ZFPM2: variants seen among roughly 807,000 people sequenced by gnomAD.
The protein encoded by ZFPM2 is zinc finger protein ZFPM2.
Under a neutral mutation model 98.6 loss-of-function variants are expected in ZFPM2, and 20 were observed. The observed-to-expected ratio is 0.20, with a 90% confidence interval of 0.14 to 0.29. The LOEUF (loss-of-function observed/expected upper bound fraction) is 0.29. Ranked by LOEUF, ZFPM2 falls within the 10% of genes least tolerant of loss-of-function variation. ZFPM2 has a pLI of 1.00. For synonymous variants in ZFPM2, 518 were observed against 502.7 expected (o/e 1.03, Z -0.41); for missense variants, 1,310 against 1,388.6 (o/e 0.94, Z 0.90).
Position 105,421,651 on chromosome 8 carries a change from C to T in ZFPM2, c.199+2349C>T, listed in dbSNP as rs532875375. ...CTACAATGGAAAGAGAATATTTTCT[C>T]TCTGGAAAATTAGAAACTAATCTTT... On this transcript the variant is annotated intron_variant, in intron 2 of 7. Transcript: ENST00000407775. Among the ~76,000 whole-genome samples, 15 of 152,238 alleles carry T rather than the reference C, an allele frequency of 9.9e-5. No homozygotes were observed. The South Asian group carries it at 3.1e-3, about 32-fold the overall frequency.
Position 105,530,726 on chromosome 8 carries a change from A to G in ZFPM2, c.302-30637A>G, listed in dbSNP as rs72673737. Among the ~76,000 whole-genome samples the G allele has an allele frequency of 6.6e-4, 101 of 152,270 alleles. 1 individual carries two copies. The highest frequency in any genetic ancestry group is 8.7e-4 in the Non-Finnish European group (59 of 68,022). ...CTATTAAAGACCCTTACTCCAGATA[A>G]AGTCACATCAGGGGTTAGTGCTTCA... On this transcript the variant is annotated intron_variant, in intron 3 of 7. Coordinates refer to ENST00000407775, the MANE Select transcript of ZFPM2 (RefSeq NM_012082.4).
At chr8:105,434,598 T>C (rs1812084625) in intron 2 of ZFPM2, among the ~76,000 whole-genome samples, 2 of 152,198 alleles carry the variant, frequency 1.3e-5, no homozygotes, top group Admixed American at 1.3e-4. Flanking sequence ...GGAAAACATA[T>C]GTGATATCTA....
chr8:105,403,990 TAAAACAAC>T (rs1297578963), intron 1 of ZFPM2, among the ~76,000 whole-genome samples: 1 of 127,660 alleles, frequency 7.8e-6, no homozygotes, highest in Non-Finnish European at 1.6e-5. Flanking sequence ...TTATTGGTGT[TAAAACAAC>T]AACAACAACA....
At chr8:105,644,182 C>T (rs943515382) in intron 5 of ZFPM2, among the ~76,000 whole-genome samples, 1 of 152,050 alleles carries the variant, frequency 6.6e-6, no homozygotes, top group African/African-American at 2.4e-5. Context: ...GTTCCAGTTG[C>T]ATGGGCTCCT....
At chr8:105,656,119 C>T (rs946627299) in intron 5 of ZFPM2, among the ~76,000 whole-genome samples, 1 of 151,916 alleles carries the variant, frequency 6.6e-6, no homozygotes, top group African/African-American at 2.4e-5. Flanking sequence ...AAATAGTAAA[C>T]CGATTCAAAA....
At chr8:105,372,880 G>C (rs1336304028) in intron 1 of ZFPM2, among the ~76,000 whole-genome samples, 1 of 152,102 alleles carries the variant, frequency 6.6e-6, no homozygotes, top group Non-Finnish European at 1.5e-5. Flanking sequence ...TCACGATAAT[G>C]ATAGGAATAG....
rs778268146 is a variant in ZFPM2, at chr8:105,634,274, T to G, written c.449T>G (p.Leu150Arg). 4 of 1,612,994 alleles carry G rather than the reference T, an allele frequency of 2.5e-6. No individual in the cohort carries two copies. The South Asian group carries it at 4.4e-5, about 18-fold the overall frequency. ...ACAAAGGCTCAGGTCCCAATGGTGC[T>G]GACTGCTGGTCCCAAGTGGTTGCTG... ...LKTKAQVPMVLTAGPKWLLDV... is the reference protein window; with the variant it reads ...LKTKAQVPMVRTAGPKWLLDV... The change falls in exon 5 of 8, where the codon CTG (leucine) becomes CGG (arginine). Residue 150 changes from leucine to arginine, a missense_variant. Transcript: ENST00000407775.
chr8:105,782,357 G>GACTAA (rs1563561300), intron 5 of ZFPM2: 1 of 152,164 alleles, frequency 6.6e-6, no homozygotes, highest in Non-Finnish European at 1.5e-5. Flanking sequence ...ACGAAGTCAG[G>GACTAA]ACTAAACTAA....
In ZFPM2 at chr8:105,726,310, A is replaced by G. The variant is rs532933806; in HGVS notation, c.533-62408A>G. Among the ~76,000 whole-genome samples, 236 of 151,950 alleles carry G rather than the reference A, an allele frequency of 1.6e-3. 6 individuals are homozygous for G. In the South Asian group the frequency reaches 0.048, roughly 31 times the overall value. Reference sequence around the variant, plus strand: ...TCTAAGTTGTATAACCATAGTACTTAGCACTCTATAAAAGTGAATTCTTCT... The same window carrying G: ...TCTAAGTTGTATAACCATAGTACTTGGCACTCTATAAAAGTGAATTCTTCT... On this transcript the variant is annotated intron_variant, in intron 5 of 7. Coordinates refer to ENST00000407775, the MANE Select transcript of ZFPM2 (RefSeq NM_012082.4).
intron 5 of ZFPM2, among the ~76,000 whole-genome samples, chr8:105,695,731 G>A (rs1811003552): frequency 6.6e-6 from 1 of 152,012 alleles, no homozygotes; most frequent in Non-Finnish European, 1.5e-5. Context: ...AATATTATGA[G>A]CAGAAAATAG....
intron 1 of ZFPM2, among the ~76,000 whole-genome samples, chr8:105,359,259 G>C (rs551699033): frequency 1.3e-5 from 2 of 151,818 alleles, no homozygotes; most frequent in Non-Finnish European, 2.9e-5. Context: ...ATGATTGTAA[G>C]TTTCCTGAGG....
At chr8:105,523,156 T>G (rs1208183204) in intron 3 of ZFPM2, among the ~76,000 whole-genome samples, 1 of 152,182 alleles carries the variant, frequency 6.6e-6, no homozygotes, top group African/African-American at 2.4e-5. Context: ...AAATATTTAG[T>G]ACAGTACTTT....
At chr8:105,366,028 G>A (rs1159310961) in intron 1 of ZFPM2, among the ~76,000 whole-genome samples, 1 of 152,104 alleles carries the variant, frequency 6.6e-6, no homozygotes, top group Admixed American at 6.6e-5. Flanking sequence ...TAAATGTATT[G>A]TTTAAATAAT....
chr8:105,455,325 C>T (rs577892171), intron 3 of ZFPM2, among the ~76,000 whole-genome samples: 73 of 152,088 alleles, frequency 4.8e-4, no homozygotes, highest in African/African-American at 1.7e-3. Flanking sequence ...TTGGACAGAA[C>T]GTGGGAGGGG....
chr8:105,778,796 C>T (rs1434792971), intron 5 of ZFPM2, among the ~76,000 whole-genome samples: 4 of 151,842 alleles, frequency 2.6e-5, no homozygotes, highest in African/African-American at 9.7e-5. Flanking sequence ...ATGCTGGTTC[C>T]GTTATGCATA....
chr8:105,462,792 A>G (rs899842175), intron 3 of ZFPM2, among the ~76,000 whole-genome samples: 1 of 152,006 alleles, frequency 6.6e-6, no homozygotes. Flanking sequence ...CTTCCCCATT[A>G]TATTTCTTTA....
intron 5 of ZFPM2, among the ~76,000 whole-genome samples, chr8:105,742,974 G>A (rs575656580): frequency 6.6e-6 from 1 of 152,156 alleles, no homozygotes; most frequent in South Asian, 2.1e-4. Flanking sequence ...GAATACAGGA[G>A]ATAATGTTTC....
At chr8:105,651,070 T>C (rs561164523) in intron 5 of ZFPM2, among the ~76,000 whole-genome samples, 17 of 152,314 alleles carry the variant, frequency 1.1e-4, no homozygotes, top group African/African-American at 4.1e-4. Flanking sequence ...TTGCCAAGTT[T>C]TCATTATGTG....
intron 3 of ZFPM2, among the ~76,000 whole-genome samples, chr8:105,527,963 G>A (rs749717351): frequency 7.2e-5 from 11 of 152,078 alleles, no homozygotes; most frequent in Admixed American, 3.9e-4. Flanking sequence ...AGTACTTGTG[G>A]TATGCCAGGT....
Sources: gnomAD v4.1 joint callset for allele counts (sites outside exome capture counted in the v4.1 genomes callset) on GRCh38, gnomAD v4.1.1 for gene constraint, MANE v1.5 for transcripts, NCBI Gene and HGNC (gene_info 2026-07-23, HGNC 2026-07-21) for gene names.